CTNNA3: variants seen among roughly 807,000 people sequenced by gnomAD.
CTNNA3 encodes the protein catenin alpha-3.
CTNNA3 carries 76 observed loss-of-function variants against 95.7 expected under a neutral mutation model. The observed-to-expected ratio is 0.79, with a 90% CI of 0.66 to 0.96. The LOEUF is 0.96. Among genes scored for constraint, CTNNA3 ranks in the 40% least tolerant of loss-of-function variants. CTNNA3 has a pLI of 0.00. For missense variants in CTNNA3, 1,191 were observed against 1,089.8 expected, an observed-to-expected ratio of 1.09 and a Z score of -1.31; for synonymous variants, 431 against 374.4, an observed-to-expected ratio of 1.15 and a Z score of -1.74.
intron 7 of CTNNA3, among the ~76,000 whole-genome samples, chr10:67,146,304 G>A (rs1045584140): frequency 1.3e-4 from 20 of 152,134 alleles, no homozygotes; most frequent in African/African-American, 3.9e-4. Flanking sequence ...TAGATACATA[G>A]AAATTGTCTA....
intron 1 of CTNNA3, among the ~76,000 whole-genome samples, chr10:67,741,467 G>C (rs1841338636): frequency 6.6e-6 from 1 of 150,614 alleles, no homozygotes; most frequent in East Asian, 1.9e-4. Context: ...GAGAGATTTT[G>C]TCACCAACAG....
rs572293238 is a variant in CTNNA3, at chr10:67,084,154, C to A, written c.1047+96163G>T. Among the ~76,000 whole-genome samples the A allele has an allele frequency of 4.6e-5, 7 of 152,192 alleles. No homozygotes were observed. The East Asian group carries it at 5.8e-4, about 13-fold the overall frequency. On this transcript the variant is annotated intron_variant, in intron 7 of 17. Transcript: ENST00000433211. ...TCTCAAATTCACTTATCACTTTTAACTTGGTATTCATATATTCAGAATAAT... is the reference window on the plus strand; with the variant it reads ...TCTCAAATTCACTTATCACTTTTAAATTGGTATTCATATATTCAGAATAAT...
intron 7 of CTNNA3, among the ~76,000 whole-genome samples, chr10:66,798,465 G>T (rs1239453566): frequency 6.6e-6 from 1 of 151,584 alleles, no homozygotes; most frequent in Non-Finnish European, 1.5e-5. Context: ...TTGTGAAAAT[G>T]GTGTAAAAGT....
intron 13 of CTNNA3, among the ~76,000 whole-genome samples, chr10:66,153,976 C>T (rs2084344313): frequency 6.6e-6 from 1 of 151,740 alleles, no homozygotes; most frequent in Non-Finnish European, 1.5e-5. Flanking sequence ...CTTACTCTAT[C>T]ATACCAGAAA....
chr10:66,921,482 C>A (rs1473248312), intron 7 of CTNNA3, among the ~76,000 whole-genome samples: 2 of 152,196 alleles, frequency 1.3e-5, no homozygotes, highest in Non-Finnish European at 2.9e-5. Context: ...TCATCCAAAG[C>A]CCTCCATGAC....
chr10:67,544,053 G>A (rs1840765028), intron 3 of CTNNA3, among the ~76,000 whole-genome samples: 1 of 152,192 alleles, frequency 6.6e-6, no homozygotes, highest in Admixed American at 6.5e-5. Context: ...TGGAAGGGCA[G>A]CAAAGCTAGC....
chr10:67,296,151 T>C (rs961022616), intron 5 of CTNNA3, among the ~76,000 whole-genome samples: 2 of 152,188 alleles, frequency 1.3e-5, no homozygotes, highest in Admixed American at 6.5e-5. Flanking sequence ...AGCAAAGAGG[T>C]TTCTGGAGGA....
intron 12 of CTNNA3, among the ~76,000 whole-genome samples, chr10:66,337,021 A>G (rs2132341303): frequency 6.6e-6 from 1 of 152,242 alleles, no homozygotes; most frequent in South Asian, 2.1e-4. Flanking sequence ...GATGTTTTCT[A>G]TTGAGCCAAA....
In CTNNA3 at chr10:66,847,124, G is replaced by C. The variant is rs572750600; in HGVS notation, c.1048-71600C>G. On this transcript the variant is annotated intron_variant, in intron 7 of 17. Coordinates refer to ENST00000433211, the MANE Select transcript of CTNNA3 (RefSeq NM_013266.4). ...CCCACTAGTTGATGACTTTGGTCTT[G>C]CCTGACATTTTATGTTTATGTTCTA... Among the ~76,000 whole-genome samples, 16 of 152,232 alleles carry C rather than the reference G, an allele frequency of 1.1e-4. 1 individual carries two copies. The highest frequency in any genetic ancestry group is 3.6e-4 in the African/African-American group (15 of 41,546).
intron 17 of CTNNA3, among the ~76,000 whole-genome samples, chr10:65,948,467 G>A (rs1202210586): frequency 6.6e-6 from 1 of 151,738 alleles, no homozygotes; most frequent in Non-Finnish European, 1.5e-5. Flanking sequence ...TGTGACCCAG[G>A]GCTTGACCAA....
At chr10:66,448,179 AG>A (rs1271343893) in intron 11 of CTNNA3, among the ~76,000 whole-genome samples, 2 of 152,106 alleles carry the variant, frequency 1.3e-5, no homozygotes, top group East Asian at 3.9e-4. Flanking sequence ...AGGAAACAAC[AG>A]GTGCTGGAGA....
At chr10:66,992,118 T>C (rs1366264083) in intron 7 of CTNNA3, among the ~76,000 whole-genome samples, 2 of 152,232 alleles carry the variant, frequency 1.3e-5, no homozygotes, top group Non-Finnish European at 2.9e-5. Context: ...AAAGAACTAA[T>C]ATCAATTTAC....
At chr10:67,342,198 T>C (rs1589189946) in intron 5 of CTNNA3, among the ~76,000 whole-genome samples, 1 of 144,242 alleles carries the variant, frequency 6.9e-6, no homozygotes, top group Non-Finnish European at 1.5e-5. Flanking sequence ...GCCTCCCGGG[T>C]TCATGCCATT....
Position 66,738,190 on chromosome 10 carries a change from C to T in CTNNA3, c.1281+28074G>A, listed in dbSNP as rs149253559. ...TTGGTCAGTTTGTTTTGGCTTAATT[C>T]CCAAGGATTGTCAGCTATCTACAAA... On this transcript the variant is annotated intron_variant, in intron 9 of 17. Coordinates refer to ENST00000433211, the MANE Select transcript of CTNNA3 (RefSeq NM_013266.4). Among the ~76,000 whole-genome samples the T allele has an allele frequency of 6.6e-5, 10 of 152,180 alleles. No individual in the cohort carries two copies. In the South Asian group the frequency reaches 1.0e-3, roughly 16 times the overall value.
At chr10:67,671,684 T>C (rs1214693903) in intron 1 of CTNNA3, among the ~76,000 whole-genome samples, 1 of 151,838 alleles carries the variant, frequency 6.6e-6, no homozygotes, top group Non-Finnish European at 1.5e-5. Flanking sequence ...ACAAAGGACA[T>C]GAACTCATCA....
At chr10:66,308,006 A>T (rs1437642899) in intron 12 of CTNNA3, among the ~76,000 whole-genome samples, 2 of 152,198 alleles carry the variant, frequency 1.3e-5, no homozygotes, top group Non-Finnish European at 2.9e-5. Flanking sequence ...TGCCACCCTA[A>T]TTTGCAAGAC....
chr10:66,272,947 A>C (rs1354150643), intron 13 of CTNNA3, among the ~76,000 whole-genome samples: 1 of 152,146 alleles, frequency 6.6e-6, no homozygotes, highest in Non-Finnish European at 1.5e-5. Flanking sequence ...TGCCTTTTCC[A>C]TCTTAACTAA....
chr10:67,459,460 T>A (rs1316078443), intron 5 of CTNNA3, among the ~76,000 whole-genome samples: 1 of 152,218 alleles, frequency 6.6e-6, no homozygotes, highest in Non-Finnish European at 1.5e-5. Flanking sequence ...CAACTTAAGC[T>A]TCTTCTGCTT....
intron 12 of CTNNA3, among the ~76,000 whole-genome samples, chr10:66,323,119 A>G (rs1317206047): frequency 1.3e-5 from 2 of 151,980 alleles, no homozygotes; most frequent in Admixed American, 6.6e-5. Context: ...AAAAGACCAC[A>G]TTACGGGGTC....
Sources: gnomAD v4.1 joint callset for allele counts (sites outside exome capture counted in the v4.1 genomes callset) on GRCh38, gnomAD v4.1.1 for gene constraint, MANE v1.5 for transcripts, NCBI Gene and HGNC (gene_info 2026-07-23, HGNC 2026-07-21) for gene names.